The following SDK1 variants were observed in gnomAD, a reference collection of about 807,000 sequenced individuals.
The protein encoded by SDK1 is sidekick cell adhesion molecule 1.
In SDK1, 157 loss-of-function variants were observed where a neutral mutation model predicts 245.5. The observed-to-expected ratio is 0.64, with a 90% CI of 0.56 to 0.73. The LOEUF (loss-of-function observed/expected upper bound fraction) is 0.73, where lower values mean the gene tolerates loss of function less well. Among genes scored for constraint, SDK1 ranks in the 30% least tolerant of loss-of-function variants. SDK1 has a pLI of 0.00. For missense variants in SDK1, 3,583 were observed against 3,002.3 expected (o/e 1.19, Z -4.52); for synonymous variants, 1,647 against 1,278.5 (o/e 1.29, Z -6.15).
intron 4 of SDK1, among the ~76,000 whole-genome samples, chr7:3,715,479 C>T (rs559050052): frequency 6.6e-6 from 1 of 152,246 alleles, no homozygotes; most frequent in South Asian, 2.1e-4. Context: ...ACACCCCTCA[C>T]CTTCTACCTG....
At chr7:3,614,694 G>A (rs1458650721) in intron 1 of SDK1, among the ~76,000 whole-genome samples, 1 of 152,132 alleles carries the variant, frequency 6.6e-6, no homozygotes, top group African/African-American at 2.4e-5. Flanking sequence ...GGTAAATAGT[G>A]CTGGGCTCAG....
chr7:3,637,523 C>A (rs1418341835), intron 2 of SDK1, among the ~76,000 whole-genome samples: 3 of 152,170 alleles, frequency 2.0e-5, no homozygotes, highest in Admixed American at 2.0e-4. Context: ...GTTGTGGGCT[C>A]CGGAGTTGTA....
intron 22 of SDK1, among the ~76,000 whole-genome samples, chr7:4,095,246 A>C (rs1248829657): frequency 8.7e-6 from 1 of 115,174 alleles, no homozygotes; most frequent in Non-Finnish European, 1.7e-5. Context: ...GCTCCCCCAC[A>C]TCTGAGCTCT....
chr7:3,996,922 T>C lies in SDK1; in HGVS notation c.2131+9600T>C, dbSNP rs574349158. Among the ~76,000 whole-genome samples the C allele has an allele frequency of 5.3e-5, 8 of 152,350 alleles. No individual in the cohort carries two copies. The East Asian group carries it at 1.2e-3, about 22-fold the overall frequency. ...AATGTCTACTAGGATTTTACTGTTA[T>C]GTGTAATATAGATTGTTTTTTATTG... On this transcript the variant is annotated intron_variant, in intron 14 of 44. Transcript: ENST00000404826.
chr7:3,354,172 G>C (rs1210694948), intron 1 of SDK1, among the ~76,000 whole-genome samples: 1 of 151,732 alleles, frequency 6.6e-6, no homozygotes. Context: ...CTAATTTTTT[G>C]TATTTTTAGT....
intron 5 of SDK1, among the ~76,000 whole-genome samples, chr7:3,899,226 A>G (rs969514354): frequency 6.6e-6 from 1 of 152,168 alleles, no homozygotes; most frequent in Non-Finnish European, 1.5e-5. Context: ...ATATATGAGT[A>G]TGTATCACCC....
At chr7:3,949,669 A>G (rs1018456281) in intron 5 of SDK1, among the ~76,000 whole-genome samples, 2 of 152,210 alleles carry the variant, frequency 1.3e-5, no homozygotes, top group African/African-American at 4.8e-5. Context: ...CTCTAAATAA[A>G]CAGTAGTAAA....
chr7:3,923,571 C>T lies in SDK1; in HGVS notation c.848-27352C>T, dbSNP rs149097747. Among the ~76,000 whole-genome samples the T allele has an allele frequency of 5.0e-3, 768 of 152,322 alleles. 8 individuals are homozygous for T. The highest frequency in any genetic ancestry group is 0.017 in the African/African-American group (688 of 41,576). On this transcript the variant is annotated intron_variant, in intron 5 of 44. Transcript: ENST00000404826. ...GCCAGAAATGCCCGGTCCAGAGGCACCAGCTCAGAAACTCTGGTATGGGGC... is the reference window on the plus strand; with the variant it reads ...GCCAGAAATGCCCGGTCCAGAGGCATCAGCTCAGAAACTCTGGTATGGGGC...
intron 35 of SDK1, among the ~76,000 whole-genome samples, chr7:4,196,742 C>T (rs1171429900): frequency 6.6e-6 from 1 of 152,228 alleles, no homozygotes. Flanking sequence ...GACCATGCAC[C>T]ACGTGAGGAC....
chr7:3,610,470 C>T (rs774982775), intron 1 of SDK1, among the ~76,000 whole-genome samples: 4 of 152,214 alleles, frequency 2.6e-5, no homozygotes, highest in Non-Finnish European at 4.4e-5. Flanking sequence ...GTTCAGTATA[C>T]TTCTACTTTG....
chr7:3,523,951 C>T (rs1783030646), intron 1 of SDK1, among the ~76,000 whole-genome samples: 1 of 152,146 alleles, frequency 6.6e-6, no homozygotes, highest in African/African-American at 2.4e-5. Context: ...TCTGTACATT[C>T]TCCTTTGAGT....
At chr7:4,036,635 CAGGAGATGGTGTT>C (rs1260762347) in intron 17 of SDK1, among the ~76,000 whole-genome samples, 3 of 152,128 alleles carry the variant, frequency 2.0e-5, no homozygotes, top group Non-Finnish European at 4.4e-5. Context: ...TTGTAACCCC[CAGGAGATGGTGTT>C]AGGAGATGGT....
At chr7:3,535,364 A>T (rs74408864) in intron 1 of SDK1, among the ~76,000 whole-genome samples, 31 of 152,332 alleles carry the variant, frequency 2.0e-4, no homozygotes, top group African/African-American at 7.5e-4. Context: ...ATACTATTCT[A>T]ATTACATGCA....
intron 1 of SDK1, among the ~76,000 whole-genome samples, chr7:3,590,104 G>T (rs1172282633): frequency 6.6e-6 from 1 of 152,152 alleles, no homozygotes; most frequent in African/African-American, 2.4e-5. Context: ...CACTATTACA[G>T]ACTTATAAAA....
In SDK1 at chr7:3,607,069, T is replaced by A. The variant is rs1419433999; in HGVS notation, c.299-12011T>A. Among the ~76,000 whole-genome samples, 6 of 152,156 alleles carry A rather than the reference T, an allele frequency of 3.9e-5. No homozygotes were observed. The East Asian group carries it at 1.2e-3, about 29-fold the overall frequency. Reference sequence around the variant, plus strand: ...ATGCACCTTCAACTTCTCTCAATAGTGTAATGTCATAGAAAGTGAAGTGGT... The same window carrying A: ...ATGCACCTTCAACTTCTCTCAATAGAGTAATGTCATAGAAAGTGAAGTGGT... On this transcript the variant is annotated intron_variant, in intron 1 of 44. Coordinates refer to ENST00000404826, the MANE Select transcript of SDK1 (RefSeq NM_152744.4).
At chr7:3,859,726 A>G (rs1562495840) in intron 5 of SDK1, among the ~76,000 whole-genome samples, 1 of 152,192 alleles carries the variant, frequency 6.6e-6, no homozygotes, top group African/African-American at 2.4e-5. Context: ...AGTGATTTTC[A>G]GGGGTTAAGT....
chr7:3,817,946 A>T (rs925704438), intron 4 of SDK1, among the ~76,000 whole-genome samples: 11 of 152,190 alleles, frequency 7.2e-5, no homozygotes, highest in African/African-American at 2.4e-4. Flanking sequence ...AAAGCAACAG[A>T]TTGATTTCTC....
chr7:3,563,329 A>G (rs1583169600), intron 1 of SDK1, among the ~76,000 whole-genome samples: 2 of 152,208 alleles, frequency 1.3e-5, no homozygotes, highest in South Asian at 4.1e-4. Context: ...GTATTCTCAG[A>G]TGGGGCGGAA....
chr7:3,847,671 GCCGTGTGTC>G (rs1780313889), intron 5 of SDK1, among the ~76,000 whole-genome samples: 1 of 152,202 alleles, frequency 6.6e-6, no homozygotes, highest in Non-Finnish European at 1.5e-5. Flanking sequence ...ATTTTTGAAA[GCCGTGTGTC>G]CCCTTGCACA....
Sources: allele counts gnomAD v4.1 joint callset (sites outside exome capture counted in the v4.1 genomes callset), GRCh38; gene constraint gnomAD v4.1.1; transcripts MANE v1.5; gene names NCBI Gene and HGNC (gene_info 2026-07-23, HGNC 2026-07-21).